The following AFG1L variants were observed in gnomAD, a reference collection of about 807,000 sequenced individuals.
AFG1L encodes AFG1-like ATPase.
In AFG1L, 53 loss-of-function variants were observed where a neutral mutation model predicts 62.2. The ratio of observed to expected loss-of-function variants is 0.85; its 90% CI spans 0.68 to 1.07. The LOEUF is 1.07. Among genes scored for constraint, AFG1L ranks in the 50% least tolerant of loss-of-function variants. The pLI, the probability that AFG1L is intolerant of heterozygous loss-of-function variation, is 0.00. For missense variants in AFG1L, 555 were observed against 590.5 expected, an observed-to-expected ratio of 0.94 and a Z score of 0.62; for synonymous variants, 228 against 210.3, an observed-to-expected ratio of 1.08 and a Z score of -0.73.
intron 1 of AFG1L, among the ~76,000 whole-genome samples, chr6:108,307,292 G>A (rs1006518738): frequency 6.6e-6 from 1 of 152,126 alleles, no homozygotes; most frequent in Non-Finnish European, 1.5e-5. Context: ...GATTACGGGC[G>A]TGAGCCACCG....
chr6:108,444,082 A>T (rs958617936), intron 7 of AFG1L, among the ~76,000 whole-genome samples: 1 of 151,590 alleles, frequency 6.6e-6, no homozygotes. Flanking sequence ...CTATCTATCT[A>T]TCTATCTATC....
At chr6:108,451,690 GCA>G (rs1179191725) in intron 8 of AFG1L, among the ~76,000 whole-genome samples, 1 of 137,428 alleles carries the variant, frequency 7.3e-6, no homozygotes, top group African/African-American at 2.8e-5. Context: ...CCAGAGATGA[GCA>G]CAGTTTGTTT....
intron 7 of AFG1L, among the ~76,000 whole-genome samples, chr6:108,414,244 G>C (rs1425396176): frequency 6.6e-6 from 1 of 152,132 alleles, no homozygotes; most frequent in Admixed American, 6.5e-5. Flanking sequence ...TCCTTGTATA[G>C]ACCAATAACA....
chr6:108,426,824 T>G (rs1207280168), intron 7 of AFG1L, among the ~76,000 whole-genome samples: 1 of 152,130 alleles, frequency 6.6e-6, no homozygotes, highest in African/African-American at 2.4e-5. Flanking sequence ...CTCTTCCCTC[T>G]TCCCATCCCT....
rs888776217 is a variant in AFG1L at position 108,392,567 on chromosome 6, G to A, written c.749-9429G>A. On this transcript the variant is annotated intron_variant, in intron 6 of 12. Coordinates refer to ENST00000368977, the MANE Select transcript of AFG1L (RefSeq NM_145315.5). Reference sequence around the variant, plus strand: ...AGAATTCATCAATGTGTGTTGAATTGAATATCAAGCTATAATATACTATCA... The same window carrying A: ...AGAATTCATCAATGTGTGTTGAATTAAATATCAAGCTATAATATACTATCA... Among the ~76,000 whole-genome samples, 9 of 152,216 alleles carry A rather than the reference G, an allele frequency of 5.9e-5. No homozygotes were observed. The East Asian group carries it at 1.5e-3, about 26-fold the overall frequency.
intron 1 of AFG1L, chr6:108,318,442 A>T (rs575670481): frequency 5.4e-6 from 1 of 186,124 alleles, no homozygotes; most frequent in African/African-American, 2.4e-5. Flanking sequence ...CAGATAATAA[A>T]ATCTTGAGGT....
chr6:108,314,721 T>A (rs1777528654), intron 1 of AFG1L, among the ~76,000 whole-genome samples: 1 of 152,114 alleles, frequency 6.6e-6, no homozygotes. Context: ...TTAGAGGGGT[T>A]AAGTTTAATA....
intron 7 of AFG1L, among the ~76,000 whole-genome samples, chr6:108,412,286 T>A (rs1375632477): frequency 6.6e-6 from 1 of 152,158 alleles, no homozygotes; most frequent in East Asian, 1.9e-4. Context: ...AATCTACATC[T>A]GATTGGTGTA....
At chr6:108,346,924 T>G (rs1330306203) in intron 2 of AFG1L, 64 bp from the exon 3 acceptor site, 15 of 1,219,222 alleles carry the variant, frequency 1.2e-5, no homozygotes, top group Admixed American at 6.8e-5. Context: ...TTAGGAAGAC[T>G]ATGTATATGA....
At chr6:108,417,944 C>T (rs971416558) in intron 7 of AFG1L, among the ~76,000 whole-genome samples, 31 of 152,246 alleles carry the variant, frequency 2.0e-4, no homozygotes, top group African/African-American at 7.5e-4. Context: ...CGCCATTCTG[C>T]TGCCTCAGCC....
At chr6:108,464,185 A>G (rs1772579313) in intron 8 of AFG1L, among the ~76,000 whole-genome samples, 3 of 152,206 alleles carry the variant, frequency 2.0e-5, no homozygotes, top group African/African-American at 7.2e-5. Context: ...CCTTGAGTCA[A>G]TCCTAATGAA....
At chr6:108,373,870 G>A (rs569020996) in intron 6 of AFG1L, among the ~76,000 whole-genome samples, 4 of 152,250 alleles carry the variant, frequency 2.6e-5, no homozygotes, top group East Asian at 1.9e-4. Context: ...GAGCCACTGC[G>A]CCTGGCCGGT....
At chr6:108,380,078 C>T (rs569143326) in intron 6 of AFG1L, among the ~76,000 whole-genome samples, 1 of 152,192 alleles carries the variant, frequency 6.6e-6, no homozygotes, top group Admixed American at 6.5e-5. Context: ...ACTTAGGCTG[C>T]TGGAACGTGC....
intron 6 of AFG1L, among the ~76,000 whole-genome samples, chr6:108,371,296 G>A (rs1032327367): frequency 6.6e-6 from 1 of 152,132 alleles, no homozygotes; most frequent in Non-Finnish European, 1.5e-5. Context: ...AACTAAACAG[G>A]CTGGGTGTAA....
chr6:108,450,759 C>T (rs1772019249), intron 8 of AFG1L, among the ~76,000 whole-genome samples: 1 of 152,054 alleles, frequency 6.6e-6, no homozygotes, highest in African/African-American at 2.4e-5. Flanking sequence ...TTAAATCCAT[C>T]TTGAATTAAT....
In AFG1L at chr6:108,522,316, C is replaced by T. The variant is rs149085596; in HGVS notation, c.1337C>T (p.Ser446Phe). Reference protein sequence around the residue: ...GLSQDSAEGLSMFTGEEEIFA... With the variant: ...GLSQDSAEGLFMFTGEEEIFA... ...AACCAGGATTCAGCAGAAGGACTCT[C>T]CATGTTTACCGGAGAAGAGGAAATC... Residue 446 changes from serine to phenylalanine, a missense_variant, in exon 13 of 13, where the codon TCC becomes TTC. Ser to Phe is a radical substitution (Grantham distance 155). Coordinates refer to ENST00000368977, the MANE Select transcript of AFG1L (RefSeq NM_145315.5). 3.3e-5 allele frequency: 54 copies of T among 1,613,680 alleles called. No individual in the cohort carries two copies. In the African/African-American group the frequency reaches 6.1e-4, roughly 18 times the overall value.
intron 6 of AFG1L, among the ~76,000 whole-genome samples, chr6:108,372,049 C>T (rs1367359327): frequency 3.3e-5 from 5 of 151,982 alleles, no homozygotes; most frequent in African/African-American, 4.8e-5. Flanking sequence ...TGAGCCATCA[C>T]GCCCAGCCTG....
At chr6:108,381,161 A>G (rs556779451) in intron 6 of AFG1L, among the ~76,000 whole-genome samples, 31 of 152,374 alleles carry the variant, frequency 2.0e-4, no homozygotes, top group African/African-American at 7.2e-4. Flanking sequence ...TGAACCTGAA[A>G]TAAAGAGGAT....
At chr6:108,370,116 A>G (rs990798465) in intron 6 of AFG1L, among the ~76,000 whole-genome samples, 1 of 120,020 alleles carries the variant, frequency 8.3e-6, no homozygotes, top group African/African-American at 3.2e-5. Context: ...GAGGGGGAGA[A>G]GGATGCAGTA....
Sources: gnomAD v4.1 joint callset for allele counts (sites outside exome capture counted in the v4.1 genomes callset) on GRCh38, gnomAD v4.1.1 for gene constraint, MANE v1.5 for transcripts, NCBI Gene and HGNC (gene_info 2026-07-23, HGNC 2026-07-21) for gene names.